Variants in FRMPD1 observed in about 807,000 individuals in gnomAD.
The protein encoded by FRMPD1 is FERM and PDZ domain containing 1.
FRMPD1 carries 76 observed loss-of-function variants against 117.8 expected under a neutral mutation model. The ratio of observed to expected loss-of-function variants is 0.65; its 90% confidence interval spans 0.54 to 0.78. FRMPD1 has a LOEUF of 0.78. FRMPD1 is among the 30% of genes least tolerant of loss of function. The probability of loss-of-function intolerance (pLI) is 0.00; values close to 1 mark genes in which losing one functional copy is unlikely to be tolerated. For missense variants in FRMPD1, 1,786 were observed against 1,964.5 expected, an observed-to-expected ratio of 0.91 and a Z score of 1.72; for synonymous variants, 783 against 770.4, an observed-to-expected ratio of 1.02 and a Z score of -0.27.
chr9:37,648,471 T>C (rs548944564), upstream of FRMPD1, among the ~76,000 whole-genome samples: 29 of 152,258 alleles, frequency 1.9e-4, no homozygotes, highest in African/African-American at 6.3e-4. Context: ...GGAGAGTCAC[T>C]GGTCAGGTCT....
chr9:37,615,563 T>G, the FRMPD1 span, among the ~76,000 whole-genome samples: 1 of 152,220 alleles, frequency 6.6e-6, no homozygotes, highest in Non-Finnish European at 1.5e-5. Flanking sequence ...TCTAATACAT[T>G]ATGTGTTGAT....
chr9:37,619,369 G>A, the FRMPD1 span, among the ~76,000 whole-genome samples: 1 of 152,168 alleles, frequency 6.6e-6, no homozygotes, highest in Non-Finnish European at 1.5e-5. Context: ...CATAGCAAGG[G>A]CTCAACAAAT....
chr9:37,713,280 CA>C (rs1822979497), intron 5 of FRMPD1, among the ~76,000 whole-genome samples: 1 of 151,980 alleles, frequency 6.6e-6, no homozygotes, highest in African/African-American at 2.4e-5. Context: ...TCAATGTAAT[CA>C]GATAAAAAGT....
chr9:37,612,579 C>T, the FRMPD1 span, among the ~76,000 whole-genome samples: 1 of 146,894 alleles, frequency 6.8e-6, no homozygotes. Context: ...AGTGCAGTGG[C>T]ACGATCTCAG....
At chr9:37,711,248 G>A in intron 4 of FRMPD1, 102 bp from the exon 5 acceptor site, 1 of 802,452 alleles carries the variant, frequency 1.2e-6, no homozygotes, top group East Asian at 2.5e-5. Context: ...CATTCTGCCA[G>A]TCTTTTTGAC....
intron 1 of FRMPD1, among the ~76,000 whole-genome samples, chr9:37,684,260 C>T (rs1222572142): frequency 1.3e-5 from 2 of 152,214 alleles, no homozygotes; most frequent in Non-Finnish European, 2.9e-5. Context: ...CCAGTTCTGC[C>T]ACTTCTTTGC....
intron 1 of FRMPD1, among the ~76,000 whole-genome samples, chr9:37,685,513 G>T (rs545945701): frequency 4.6e-5 from 7 of 151,992 alleles, no homozygotes; most frequent in African/African-American, 1.7e-4. Flanking sequence ...TTAGCCGGGC[G>T]TGGTGGCGGG....
intron 6 of FRMPD1, among the ~76,000 whole-genome samples, chr9:37,720,681 G>A (rs541811386): frequency 6.6e-6 from 1 of 151,734 alleles, no homozygotes; most frequent in African/African-American, 2.4e-5. Context: ...AAAAAAAAGA[G>A]ATCGAGACTA....
intron 5 of FRMPD1, among the ~76,000 whole-genome samples, chr9:37,713,583 G>GTATA (rs112398852): frequency 4.0e-5 from 6 of 148,816 alleles, no homozygotes; most frequent in African/African-American, 1.5e-4. Context: ...AGGTGAGACC[G>GTATA]TATATATATA....
the FRMPD1 span, among the ~76,000 whole-genome samples, chr9:37,603,895 G>C: frequency 6.6e-6 from 1 of 152,072 alleles, no homozygotes; most frequent in Non-Finnish European, 1.5e-5. Context: ...GGCCAGGTTG[G>C]TCTCGAACTC....
chr9:37,673,866 G>A (rs1475585482), intron 1 of FRMPD1, among the ~76,000 whole-genome samples: 1 of 152,242 alleles, frequency 6.6e-6, no homozygotes, highest in Non-Finnish European at 1.5e-5. Flanking sequence ...TCCCTAGGCT[G>A]CACACAGCAG....
At chr9:37,723,031 C>T (rs1018570955) in intron 6 of FRMPD1, among the ~76,000 whole-genome samples, 35 of 152,266 alleles carry the variant, frequency 2.3e-4, no homozygotes, top group Middle Eastern at 3.4e-3. Context: ...ACGAGAGTGG[C>T]AGAGTCCCTT....
intron 7 of FRMPD1, among the ~76,000 whole-genome samples, chr9:37,724,656 C>T (rs944681235): frequency 3.9e-5 from 6 of 152,208 alleles, no homozygotes; most frequent in African/African-American, 9.7e-5. Context: ...CTACCTGCTA[C>T]GCCAAACACT....
intron 1 of FRMPD1, among the ~76,000 whole-genome samples, chr9:37,680,718 C>T (rs1468499989): frequency 1.3e-5 from 2 of 152,114 alleles, no homozygotes; most frequent in African/African-American, 2.4e-5. Context: ...ATGAAAGGCT[C>T]AGAGAACCTA....
At chr9:37,710,346 C>T (rs1224829571) in intron 4 of FRMPD1, among the ~76,000 whole-genome samples, 1 of 152,158 alleles carries the variant, frequency 6.6e-6, no homozygotes, top group Admixed American at 6.6e-5. Context: ...CCAACTGCTT[C>T]TCCATGGTAG....
chr9:37,729,382 CAAAAAAAAAAAAAAA>C (rs60967717), intron 7 of FRMPD1, among the ~76,000 whole-genome samples: 2 of 54,716 alleles, frequency 3.7e-5, no homozygotes, highest in Admixed American at 2.8e-4. Flanking sequence ...GAGACCCTCT[CAAAAAAAAAAAAAAA>C]AAAAAAAAAA....
rs573955616 is a variant in FRMPD1, at chr9:37,667,062, C to CTTTTTTTTTTTTTTTTT, written c.-5+15984_-5+15985insTTTTTTTTTTTTTTTTT. Among the ~76,000 whole-genome samples, 46 of 111,026 alleles carry CTTTTTTTTTTTTTTTTT rather than the reference C, an allele frequency of 4.1e-4. 4 individuals are homozygous for CTTTTTTTTTTTTTTTTT. Among genetic ancestry groups the CTTTTTTTTTTTTTTTTT allele is most frequent in the African/African-American group, 1.5e-3 (37 of 25,304 alleles). The allele number at this position is 111,026 out of a possible 152,430, so 72.8% of individuals were successfully genotyped here. A position where few individuals can be genotyped will look rare whatever the true frequency, so the allele number is the denominator to read the frequency against. Reference sequence around the variant, plus strand: ...GGAAAAGAGAGACAATTGAAGCATGCTTTTTTTTTTTTTTTTCCTGAGACA... The same window carrying CTTTTTTTTTTTTTTTTT: ...GGAAAAGAGAGACAATTGAAGCATGCTTTTTTTTTTTTTTTTTTTTTTTTTTTTTTTTTCCTGAGACA... On this transcript the variant is annotated intron_variant, in intron 1 of 15. Coordinates refer to ENST00000377765, the MANE Select transcript of FRMPD1 (RefSeq NM_014907.3).
At chr9:37,675,289 G>A (rs1324438740) in intron 1 of FRMPD1, among the ~76,000 whole-genome samples, 4 of 152,040 alleles carry the variant, frequency 2.6e-5, no homozygotes, top group African/African-American at 9.7e-5. Context: ...CGGAGTGGTG[G>A]CGCACACCAG....
At chr9:37,640,324 C>T in the FRMPD1 span, among the ~76,000 whole-genome samples, 3 of 152,116 alleles carry the variant, frequency 2.0e-5, no homozygotes, top group East Asian at 1.9e-4. Context: ...GTGGCTGAAC[C>T]GAGGACAGAG....
Sources: allele counts gnomAD v4.1 joint callset (sites outside exome capture counted in the v4.1 genomes callset), GRCh38; gene constraint gnomAD v4.1.1; transcripts MANE v1.5; gene names NCBI Gene and HGNC (gene_info 2026-07-23, HGNC 2026-07-21).